The following TMEM132B variants were observed in gnomAD, a reference collection of about 807,000 sequenced individuals.
TMEM132B encodes transmembrane protein 132B.
TMEM132B carries 18 observed loss-of-function variants against 90.8 expected under a neutral mutation model. The observed-to-expected ratio is 0.20, with a 90% CI of 0.14 to 0.29. TMEM132B has a LOEUF of 0.29. TMEM132B is among the 10% of genes least tolerant of loss of function. TMEM132B has a pLI of 1.00. For synonymous variants in TMEM132B, 504 were observed against 523.3 expected, an observed-to-expected ratio of 0.96 and a Z score of 0.50; for missense variants, 1,096 against 1,326.8, an observed-to-expected ratio of 0.83 and a Z score of 2.70.
At chr12:125,206,284 G>C (rs1873183875) in intron 1 of TMEM132B, among the ~76,000 whole-genome samples, 1 of 152,122 alleles carries the variant, frequency 6.6e-6, no homozygotes, top group African/African-American at 2.4e-5. Context: ...TGTAGCGCAG[G>C]CTGGAGTGCA....
chr12:125,518,669 G>A (rs1278799310), intron 3 of TMEM132B, among the ~76,000 whole-genome samples: 1 of 152,218 alleles, frequency 6.6e-6, no homozygotes, highest in African/African-American at 2.4e-5. Context: ...GGGGCTCCCT[G>A]CACATACAAA....
chr12:125,374,431 T>A (rs1302222169), intron 2 of TMEM132B, among the ~76,000 whole-genome samples: 1 of 139,046 alleles, frequency 7.2e-6, no homozygotes, highest in Non-Finnish European at 1.5e-5. Context: ...CCCACAAACA[T>A]GTTTTTTTTT....
chr12:125,214,232 C>T (rs191256977), intron 1 of TMEM132B, among the ~76,000 whole-genome samples: 1 of 152,358 alleles, frequency 6.6e-6, no homozygotes, highest in East Asian at 1.9e-4. Flanking sequence ...TCCTCCTAGG[C>T]TTCTGATGTG....
chr12:125,541,405 A>G (rs1883953672), intron 4 of TMEM132B, among the ~76,000 whole-genome samples: 1 of 152,132 alleles, frequency 6.6e-6, no homozygotes, highest in Non-Finnish European at 1.5e-5. Context: ...GGGGTTTTGC[A>G]TCACTGGACA....
chr12:125,622,581 C>A (rs992025832), intron 5 of TMEM132B: 2 of 985,464 alleles, frequency 2.0e-6, no homozygotes, highest in African/African-American at 3.5e-5. Flanking sequence ...CTCAGCCTGA[C>A]TGTGTTCTTA....
chr12:125,538,072 C>A (rs1264155654), intron 4 of TMEM132B, among the ~76,000 whole-genome samples: 1 of 152,186 alleles, frequency 6.6e-6, no homozygotes, highest in South Asian at 2.1e-4. Flanking sequence ...AAGTCTCCAT[C>A]CGCTGTGCTT....
intron 1 of TMEM132B, among the ~76,000 whole-genome samples, chr12:125,245,950 C>T (rs1874198194): frequency 6.6e-6 from 1 of 152,222 alleles, no homozygotes; most frequent in Non-Finnish European, 1.5e-5. Flanking sequence ...TGAGTTGATT[C>T]ACCCGACATC....
chr12:125,325,151 C>G (rs956748987), intron 1 of TMEM132B, among the ~76,000 whole-genome samples: 19 of 152,182 alleles, frequency 1.2e-4, no homozygotes, highest in Admixed American at 1.2e-3. Context: ...TTTCTCAGGA[C>G]ACATCTGCCA....
chr12:125,637,944 A>C lies in TMEM132B; in HGVS notation c.1438-6132A>C, dbSNP rs375687626. Among the ~76,000 whole-genome samples, 3 of 152,368 alleles carry C rather than the reference A, an allele frequency of 2.0e-5. No homozygotes were observed. In the East Asian group the frequency reaches 5.8e-4, roughly 29 times the overall value. ...CTGTGTAGTGTTTTCATGGGTGGAC[A>C]CTGCCAAACTCATTGAACTTTATCC... is the stretch of plus-strand genomic sequence containing the variant. On this transcript the variant is annotated intron_variant, in intron 5 of 8. Coordinates refer to ENST00000682704, the MANE Select transcript of TMEM132B (RefSeq NM_001366854.1).
intron 3 of TMEM132B, among the ~76,000 whole-genome samples, chr12:125,497,508 T>A (rs924092138): frequency 2.0e-5 from 3 of 152,196 alleles, no homozygotes; most frequent in Non-Finnish European, 2.9e-5. Flanking sequence ...TTGTGGACTG[T>A]TGAAAAGTGA....
intron 1 of TMEM132B, among the ~76,000 whole-genome samples, chr12:125,345,888 A>G (rs1044196835): frequency 1.3e-5 from 2 of 152,200 alleles, no homozygotes; most frequent in African/African-American, 2.4e-5. Flanking sequence ...CTACCTGCCA[A>G]TGGGAAAAAG....
chr12:125,203,580 T>C (rs35111534), intron 1 of TMEM132B, among the ~76,000 whole-genome samples: 42,326 of 152,170 alleles, frequency 0.28, 6,457 homozygotes, highest in East Asian at 0.38. Flanking sequence ...TAGGATTTTA[T>C]AATTTTTTTT....
rs542219771 is a variant in TMEM132B at position 125,205,994 on chromosome 12, G to A, written c.67+19128G>A. Among the ~76,000 whole-genome samples the A allele has an allele frequency of 2.0e-4, 31 of 152,302 alleles. No homozygotes were observed. In the East Asian group the frequency reaches 6.0e-3, roughly 29 times the overall value. On this transcript the variant is annotated intron_variant, in intron 1 of 8. Coordinates refer to ENST00000682704, the MANE Select transcript of TMEM132B (RefSeq NM_001366854.1). ...CCTCTAACCCTCCTGAATCTGGTCT[G>A]GGGAGTGGTGGGGTGGGGAAGAAGG...
chr12:125,199,586 G>C (rs1448197920), intron 1 of TMEM132B, among the ~76,000 whole-genome samples: 1 of 152,192 alleles, frequency 6.6e-6, no homozygotes, highest in African/African-American at 2.4e-5. Flanking sequence ...TCATCAGTGA[G>C]TGAAGAGACT....
In TMEM132B at chr12:125,385,300, T is replaced by TA. The variant is rs201228211; in HGVS notation, c.960-30222dup. On this transcript the variant is annotated intron_variant, in intron 2 of 8. Transcript: ENST00000682704. ...TTCTTCTTGATAATATTTGAAGGGATAAAAAAAAACTGTGTGAGAGTTGGA... is the reference window on the plus strand; with the variant it reads ...TTCTTCTTGATAATATTTGAAGGGATAAAAAAAAAACTGTGTGAGAGTTGGA... Among the ~76,000 whole-genome samples, 1,422 of 151,784 alleles carry TA rather than the reference T, an allele frequency of 9.4e-3. 12 individuals carry two copies. The highest frequency in any genetic ancestry group is 0.013 in the Non-Finnish European group (893 of 67,870).
intron 3 of TMEM132B, among the ~76,000 whole-genome samples, chr12:125,515,860 C>A (rs557901923): frequency 6.6e-6 from 1 of 151,878 alleles, no homozygotes; most frequent in South Asian, 2.1e-4. Flanking sequence ...ACACATTCTC[C>A]CTGTCACACA....
chr12:125,378,140 G>GGGATGCT (rs1878549919), intron 2 of TMEM132B, among the ~76,000 whole-genome samples: 1 of 152,152 alleles, frequency 6.6e-6, no homozygotes, highest in African/African-American at 2.4e-5. Context: ...CCAGCTGGGA[G>GGGATGCT]GGATGCTGGT....
chr12:125,567,015 G>T (rs985866671), intron 4 of TMEM132B, among the ~76,000 whole-genome samples: 2 of 151,822 alleles, frequency 1.3e-5, no homozygotes, highest in South Asian at 4.2e-4. Context: ...GCTAATTTTT[G>T]TATTTTTTAG....
intron 3 of TMEM132B, among the ~76,000 whole-genome samples, chr12:125,483,986 C>T (rs995267986): frequency 3.3e-5 from 5 of 152,138 alleles, no homozygotes; most frequent in Admixed American, 1.3e-4. Flanking sequence ...TCTAAACCTG[C>T]GGGGAGCCTT....
Sources: gnomAD v4.1 joint callset for allele counts (sites outside exome capture counted in the v4.1 genomes callset) on GRCh38, gnomAD v4.1.1 for gene constraint, MANE v1.5 for transcripts, NCBI Gene and HGNC (gene_info 2026-07-23, HGNC 2026-07-21) for gene names.